ZFAND1: variants seen among roughly 807,000 people sequenced by gnomAD.
ZFAND1 encodes the protein AN1-type zinc finger protein 1.
Under a neutral mutation model 38.5 loss-of-function variants are expected in ZFAND1, and 40 were observed. That is an observed-to-expected ratio of 1.04 (90% CI 0.81 to 1.35). The LOEUF (loss-of-function observed/expected upper bound fraction) is 1.35. Among genes scored for constraint, ZFAND1 ranks in the 40% most tolerant of loss-of-function variants. ZFAND1 has a pLI of 0.00. For missense variants in ZFAND1, 346 were observed against 316.3 expected, an observed-to-expected ratio of 1.09 and a Z score of -0.71; for synonymous variants, 117 against 103.6, an observed-to-expected ratio of 1.13 and a Z score of -0.78.
At position 81,702,356 on chromosome 8, in the gene ZFAND1, G is replaced by A. The variant is rs116848746; in HGVS notation, c.*339C>T. On this transcript the variant is annotated 3_prime_UTR_variant, in exon 8 of 8. Transcript: ENST00000220669. ...TGTCCCAAAAGAGATCCCTTCCTTTGCCTTTGATCATGGTAAGAAGATGAC... is the reference window on the plus strand; with the variant it reads ...TGTCCCAAAAGAGATCCCTTCCTTTACCTTTGATCATGGTAAGAAGATGAC... 0.031 allele frequency: 4,939 copies of A among 160,054 alleles called. 115 individuals carry two copies. Among genetic ancestry groups the A allele is most frequent in the Non-Finnish European group, 0.044 (3,241 of 73,836 alleles). 9.9% of individuals were successfully genotyped at this position (160,054 alleles called of 1,614,324 possible). A position where few individuals can be genotyped will look rare whatever the true frequency, so the allele number is the denominator to read the frequency against.
In ZFAND1 at chr8:81,713,258, G is replaced by A. The variant is rs537531055; in HGVS notation, c.480+660C>T. Among the ~76,000 whole-genome samples, 17 of 151,688 alleles carry A rather than the reference G, an allele frequency of 1.1e-4. No individual in the cohort carries two copies. In the East Asian group the frequency reaches 2.1e-3, roughly 19 times the overall value. On this transcript the variant is annotated intron_variant, in intron 6 of 7. Transcript: ENST00000220669. The stretch of plus-strand genomic sequence containing the variant: ...CTGCCTCAGCGTCCCGAGTAGCTGG[G>A]ACTACAGGCGCCCACCACCACACCT...
rs761762160 is a variant in ZFAND1 at position 81,714,881 on chromosome 8, G to A, written c.281C>T (p.Ser94Leu). The A allele has an allele frequency of 3.1e-6, 5 of 1,613,906 alleles. No homozygotes were observed. In the African/African-American group the frequency reaches 5.3e-5, roughly 17 times the overall value. The part of the protein sequence containing the change: ...KNFCLRHRHQ[S>L]DHECEKLEIP... Reference sequence around the variant, plus strand: ...TTCCAGTTTTTCACACTCATGATCTGACTGATGACGGTGTCTATGAGCAAC... The same window carrying A: ...TTCCAGTTTTTCACACTCATGATCTAACTGATGACGGTGTCTATGAGCAAC... The change falls in exon 5 of 8, where the codon TCA (serine) becomes TTA (leucine). Residue 94 changes from serine (S) to leucine (L), a missense_variant. Ser to Leu is a moderately radical substitution (Grantham distance 145, BLOSUM62 -2). Transcript: ENST00000220669.
At chr8:81,708,381 T>C (rs1808043069) in intron 6 of ZFAND1, among the ~76,000 whole-genome samples, 1 of 151,538 alleles carries the variant, frequency 6.6e-6, no homozygotes, top group Non-Finnish European at 1.5e-5. Flanking sequence ...GCTATGTCAA[T>C]TAGAAATATA....
Position 81,702,531 on chromosome 8 carries a change from C to G in ZFAND1, c.*164G>C, listed in dbSNP as rs1027849028. On this transcript the variant is annotated 3_prime_UTR_variant, in exon 8 of 8. Coordinates refer to ENST00000220669, the MANE Select transcript of ZFAND1 (RefSeq NM_024699.3). ...ATCCGTACACAATTAAACTTAAAAC[C>G]AAAAAACTCTAATAGAAAACTCATA... The G allele has an allele frequency of 1.4e-4, 75 of 552,816 alleles. No homozygotes were observed. In the East Asian group the frequency reaches 2.7e-3, roughly 20 times the overall value. The allele number at this position is 552,816 out of a possible 1,614,324, so 34.2% of individuals were successfully genotyped here.
chr8:81,718,179 T>C lies in ZFAND1; in HGVS notation c.98+3A>G. The C allele has an allele frequency of 6.3e-7, 1 of 1,579,892 alleles. No individual in the cohort carries two copies. The highest frequency in any genetic ancestry group is 8.6e-7 in the Non-Finnish European group (1 of 1,163,240). ...CCAAATCCTGCATAAAAACTTAACTTACCAAAATATTCCTGAACAATCATC... is the reference window on the plus strand; with the variant it reads ...CCAAATCCTGCATAAAAACTTAACTCACCAAAATATTCCTGAACAATCATC... On this transcript the variant is annotated splice_donor_region_variant and intron_variant, in intron 2 of 7. Coordinates refer to ENST00000220669, the MANE Select transcript of ZFAND1 (RefSeq NM_024699.3).
At chr8:81,703,341 G>A (rs1313869254) in intron 6 of ZFAND1, among the ~76,000 whole-genome samples, 1 of 152,222 alleles carries the variant, frequency 6.6e-6, no homozygotes, top group East Asian at 1.9e-4. Context: ...AGACAGATAT[G>A]TGGCCTAAGT....
chr8:81,713,176 G>A (rs1585926100), intron 6 of ZFAND1, among the ~76,000 whole-genome samples: 1 of 152,116 alleles, frequency 6.6e-6, no homozygotes, highest in East Asian at 1.9e-4. Context: ...AGGCTGGAGT[G>A]CAGTGGTGCA....
intron 6 of ZFAND1, chr8:81,708,855 C>A: frequency 1.7e-6 from 2 of 1,171,778 alleles, no homozygotes; most frequent in Non-Finnish European, 2.2e-6. Flanking sequence ...AAAAATATAT[C>A]TCAGAAGAGC....
intron 1 of ZFAND1, among the ~76,000 whole-genome samples, chr8:81,719,588 A>G (rs1458934983): frequency 6.6e-6 from 1 of 152,166 alleles, no homozygotes; most frequent in Non-Finnish European, 1.5e-5. Context: ...GACTTTTAAT[A>G]ATCAAGTATT....
Position 81,713,897 on chromosome 8 carries a change from TA to T in ZFAND1, c.480+20del. 1 of 1,611,638 alleles carries T rather than the reference TA, an allele frequency of 6.2e-7. No homozygotes were observed. ...AACTATATTTGAAATTTTTGTGTTT[TA>T]AAAAATCTCTAAGACCAACCTGTGG... On this transcript the variant is annotated intron_variant, in intron 6 of 7. Transcript: ENST00000220669.
intron 6 of ZFAND1, among the ~76,000 whole-genome samples, chr8:81,706,468 G>C (rs577471826): frequency 2.1e-4 from 32 of 150,276 alleles, no homozygotes; most frequent in African/African-American, 7.6e-4. Flanking sequence ...TGGGATAGGA[G>C]AGAGTCAACT....
rs35031788 is a variant in ZFAND1 at position 81,706,370 on chromosome 8, C to CAAAAAAA, written c.481-3253_481-3247dup. 4.7e-3 allele frequency among the ~76,000 whole-genome samples: 342 copies of CAAAAAAA among 72,598 alleles called. 9 individuals carry two copies. Among genetic ancestry groups the CAAAAAAA allele is most frequent in the African/African-American group, 8.5e-3 (160 of 18,934 alleles). The allele number at this position is 72,598 out of a possible 152,430, so 47.6% of individuals were successfully genotyped here. On this transcript the variant is annotated intron_variant, in intron 6 of 7. Transcript: ENST00000220669. Reference sequence around the variant, plus strand: ...CAAGTAAGCCCTAAGGAAGGAGAAACAAAAAAAAAAAAAAAAAAAAAAAAG... The same window carrying CAAAAAAA: ...CAAGTAAGCCCTAAGGAAGGAGAAACAAAAAAAAAAAAAAAAAAAAAAAAAAAAAAAG...
At chr8:81,707,733 A>G (rs914721687) in intron 6 of ZFAND1, among the ~76,000 whole-genome samples, 3 of 152,236 alleles carry the variant, frequency 2.0e-5, no homozygotes, top group African/African-American at 7.2e-5. Flanking sequence ...AGTAAAAAAT[A>G]AATGAGTAGA....
intron 6 of ZFAND1, among the ~76,000 whole-genome samples, chr8:81,704,813 C>T (rs1047023001): frequency 2.6e-5 from 4 of 151,874 alleles, no homozygotes; most frequent in Non-Finnish European, 4.4e-5. Context: ...TTACAGGTAA[C>T]GAGTATTAAA....
At chr8:81,707,013 C>T (rs1035917336) in intron 6 of ZFAND1, among the ~76,000 whole-genome samples, 1 of 152,102 alleles carries the variant, frequency 6.6e-6, no homozygotes, top group Non-Finnish European at 1.5e-5. Context: ...TACAGAAAGA[C>T]AATGTCATAA....
intron 3 of ZFAND1, among the ~76,000 whole-genome samples, chr8:81,716,021 G>A (rs1808297587): frequency 6.6e-6 from 1 of 152,162 alleles, no homozygotes; most frequent in Non-Finnish European, 1.5e-5. Flanking sequence ...CAACATGCTA[G>A]GTAATTCAAA....
At chr8:81,714,930 G>C in intron 4 of ZFAND1, 35 bp from the exon 5 acceptor site, 1 of 1,613,986 alleles carries the variant, frequency 6.2e-7, no homozygotes, top group Non-Finnish European at 8.5e-7. Context: ...TAGTTCATGT[G>C]TTTGTATAGC....
intron 3 of ZFAND1, among the ~76,000 whole-genome samples, chr8:81,716,242 T>C (rs1252111406): frequency 6.6e-6 from 1 of 152,226 alleles, no homozygotes; most frequent in Non-Finnish European, 1.5e-5. Context: ...TTGAACATGG[T>C]GGGCTTAGCT....
At chr8:81,714,186 G>A (rs1010452498) in intron 5 of ZFAND1, 147 bp from the exon 6 acceptor site, 1 of 694,714 alleles carries the variant, frequency 1.4e-6, no homozygotes, top group Non-Finnish European at 2.2e-6. Flanking sequence ...TATAGGTATT[G>A]TATTTACATT....
Sources: gnomAD v4.1 joint callset for allele counts (sites outside exome capture counted in the v4.1 genomes callset) on GRCh38, gnomAD v4.1.1 for gene constraint, MANE v1.5 for transcripts, NCBI Gene and HGNC (gene_info 2026-07-23, HGNC 2026-07-21) for gene names.